HERC5: variants seen among roughly 807,000 people sequenced by gnomAD.
The protein encoded by HERC5 is E3 ISG15--protein ligase HERC5.
HERC5 carries 99 observed loss-of-function variants against 119.6 expected under a neutral mutation model. That is an observed-to-expected ratio of 0.83 (90% CI 0.70 to 0.98). HERC5 has a LOEUF of 0.98. HERC5 is among the 50% of genes least tolerant of loss of function. The pLI, the probability that HERC5 is intolerant of heterozygous loss-of-function variation, is 0.00. For missense variants in HERC5, 1,267 were observed against 1,241.3 expected (o/e 1.02, Z -0.31); for synonymous variants, 478 against 445.9 (o/e 1.07, Z -0.91).
chr4:88,477,021 A>C (rs1741086683), intron 12 of HERC5, among the ~76,000 whole-genome samples: 1 of 150,144 alleles, frequency 6.7e-6, no homozygotes, highest in African/African-American at 2.5e-5. Flanking sequence ...TAGGTCATTC[A>C]AATTTCTCTT....
At chr4:88,476,921 A>G (rs1741083183) in intron 12 of HERC5, among the ~76,000 whole-genome samples, 1 of 150,612 alleles carries the variant, frequency 6.6e-6, no homozygotes, top group African/African-American at 2.4e-5. Flanking sequence ...CTCCGTCCCA[A>G]AAAAAAAAGA....
At chr4:88,484,810 C>T (rs1741402766) in intron 13 of HERC5, among the ~76,000 whole-genome samples, 1 of 152,276 alleles carries the variant, frequency 6.6e-6, no homozygotes, top group South Asian at 2.1e-4. Context: ...TTACATTCAC[C>T]AGGTTGGGCA....
At chr4:88,488,993 C>T (rs1578061168) in intron 15 of HERC5, among the ~76,000 whole-genome samples, 173 bp from the exon 16 acceptor site, 1 of 152,318 alleles carries the variant, frequency 6.6e-6, no homozygotes, top group East Asian at 1.9e-4. Flanking sequence ...TTCCTCTGCT[C>T]ACTGAGACTA....
rs1265395843 is a variant in HERC5 at position 88,467,212 on chromosome 4, C to T, written c.1057+8C>T. The T allele has an allele frequency of 1.2e-6, 2 of 1,613,676 alleles. No homozygotes were observed. The highest frequency in any genetic ancestry group is 1.7e-4 in the Middle Eastern group (1 of 6,060). ...GTGAAGAACTCAAACTTGGTAAATT[C>T]TATAGGAACATAGGGTTTGGCATAG... is the stretch of plus-strand genomic sequence containing the variant. On this transcript the variant is annotated splice_region_variant and intron_variant, in intron 7 of 22. Transcript: ENST00000264350.
chr4:88,467,773 C>A, intron 7 of HERC5: 1 of 332,184 alleles, frequency 3.0e-6, no homozygotes, highest in Non-Finnish European at 4.3e-6. Flanking sequence ...GAGTTGAACC[C>A]GTGCCCTTTA....
intron 13 of HERC5, among the ~76,000 whole-genome samples, chr4:88,482,980 T>G (rs1310357964): frequency 6.6e-6 from 1 of 152,130 alleles, no homozygotes; most frequent in Non-Finnish European, 1.5e-5. Flanking sequence ...TCATGTTATA[T>G]CTAGTATTTA....
At chr4:88,496,236 G>T (rs961831274) in intron 18 of HERC5, among the ~76,000 whole-genome samples, 1 of 152,210 alleles carries the variant, frequency 6.6e-6, no homozygotes, top group Non-Finnish European at 1.5e-5. Context: ...GAGAACCAGT[G>T]ATCTCTGTGT....
At chr4:88,466,775 T>C (rs893456917) in intron 6 of HERC5, among the ~76,000 whole-genome samples, 2 of 152,194 alleles carry the variant, frequency 1.3e-5, no homozygotes, top group African/African-American at 4.8e-5. Flanking sequence ...AGGTGGTGAC[T>C]CAAACTGATG....
At chr4:88,485,322 G>A (rs1408427271) in intron 13 of HERC5, among the ~76,000 whole-genome samples, 1 of 152,168 alleles carries the variant, frequency 6.6e-6, no homozygotes, top group Admixed American at 6.5e-5. Context: ...CACTTTCTCT[G>A]TGACTCTGGA....
intron 18 of HERC5, among the ~76,000 whole-genome samples, chr4:88,495,698 C>G (rs1403276215): frequency 6.6e-6 from 1 of 152,024 alleles, no homozygotes; most frequent in Admixed American, 6.6e-5. Context: ...GATCTGAACA[C>G]AGTCTGGCTC....
intron 13 of HERC5, among the ~76,000 whole-genome samples, chr4:88,480,437 T>C (rs1741240887): frequency 6.8e-6 from 1 of 146,026 alleles, no homozygotes; most frequent in Admixed American, 7.1e-5. Flanking sequence ...TTGCAATTCT[T>C]GTGTGTGTTT....
intron 13 of HERC5, among the ~76,000 whole-genome samples, chr4:88,484,431 A>G (rs1384510622): frequency 1.3e-5 from 2 of 151,010 alleles, no homozygotes; most frequent in African/African-American, 4.8e-5. Context: ...TTCTTCTGCC[A>G]GGCTCCTAGA....
chr4:88,467,572 A>T (rs1423549586), intron 7 of HERC5, among the ~76,000 whole-genome samples: 1 of 152,120 alleles, frequency 6.6e-6, no homozygotes, highest in South Asian at 2.1e-4. Flanking sequence ...GTCATATAAA[A>T]CCCTCAGAAT....
Position 88,462,244 on chromosome 4 carries a change from C to G in HERC5, c.576C>G (p.Pro192=), listed in dbSNP as rs769061530. 1.2e-6 allele frequency: 2 copies of G among 1,614,202 alleles called. No individual in the cohort carries two copies. ...TTGTGGAGCACCTCGCAGGAGTACC[C>G]TTGGCTCAGATTTCTGCCGGAGAAG... ...PQIVEHLAGV[P]LAQISAGEAH... The change falls in exon 4 of 23, where the codon CCC becomes CCG. Residue 192 remains proline (P), a synonymous_variant. Coordinates refer to ENST00000264350, the MANE Select transcript of HERC5 (RefSeq NM_016323.4).
At chr4:88,472,638 G>A in intron 11 of HERC5, 136 bp downstream of exon 11, 1 of 672,704 alleles carries the variant, frequency 1.5e-6, no homozygotes, top group East Asian at 2.6e-5. Flanking sequence ...GTTAAACTCA[G>A]ATAACATTTA....
chr4:88,501,939 C>A (rs1262472452), intron 20 of HERC5, among the ~76,000 whole-genome samples: 1 of 152,116 alleles, frequency 6.6e-6, no homozygotes, highest in East Asian at 1.9e-4. Context: ...GCTGGGACTA[C>A]AGGCGCCCGC....
At chr4:88,491,851 G>A (rs1741648836) in intron 16 of HERC5, among the ~76,000 whole-genome samples, 1 of 152,064 alleles carries the variant, frequency 6.6e-6, no homozygotes, top group African/African-American at 2.4e-5. Context: ...CAGGAATGGA[G>A]GGGTGACTGA....
At chr4:88,502,655 G>A (rs1578070335) in intron 20 of HERC5, among the ~76,000 whole-genome samples, 1 of 152,160 alleles carries the variant, frequency 6.6e-6, no homozygotes. Context: ...AGTAGGGTAC[G>A]ACAGTTCTAA....
chr4:88,501,146 A>G (rs1158375567), intron 20 of HERC5, among the ~76,000 whole-genome samples, 161 bp downstream of exon 20: 6 of 152,192 alleles, frequency 3.9e-5, no homozygotes, highest in African/African-American at 7.2e-5. Flanking sequence ...CATATATATC[A>G]TGGAGTTTAT....
Sources: gnomAD v4.1 joint callset for allele counts (sites outside exome capture counted in the v4.1 genomes callset) on GRCh38, gnomAD v4.1.1 for gene constraint, MANE v1.5 for transcripts, NCBI Gene and HGNC (gene_info 2026-07-23, HGNC 2026-07-21) for gene names.